WNK3: variants seen among roughly 807,000 people sequenced by gnomAD.
The protein encoded by WNK3 is WNK lysine deficient protein kinase 3.
A neutral mutation model predicts 116.7 loss-of-function variants in WNK3; 18 were observed. The ratio of observed to expected loss-of-function variants is 0.15; its 90% CI spans 0.11 to 0.23. The LOEUF is 0.23. Among genes scored for constraint, WNK3 ranks in the 10% least tolerant of loss-of-function variants. The pLI, the probability that WNK3 is intolerant of heterozygous loss-of-function variation, is 1.00. For missense variants in WNK3, 993 were observed against 1,323.8 expected (o/e 0.75, Z 3.88); for synonymous variants, 404 against 469.4 (o/e 0.86, Z 1.80).
At chrX:54,302,094 A>G (rs782209204) in intron 5 of WNK3, among the ~76,000 whole-genome samples, 1 of 111,201 alleles carries the variant, frequency 9.0e-6, no homozygotes, top group East Asian at 2.8e-4. Context: ...ACAGAGGCAA[A>G]GTTACACATA....
intron 11 of WNK3, among the ~76,000 whole-genome samples, chrX:54,258,695 T>C (rs2068223445): frequency 2.0e-5 from 2 of 98,588 alleles, no homozygotes; most frequent in South Asian, 8.3e-4. Flanking sequence ...ACAAATAATC[T>C]TGAGGCAAAT....
At chrX:54,232,428 C>T (rs1446681786) in intron 21 of WNK3, among the ~76,000 whole-genome samples, 1 of 111,572 alleles carries the variant, frequency 9.0e-6, no homozygotes, top group Non-Finnish European at 1.9e-5. Context: ...AGGCGTGAGC[C>T]ACTGCGCCTG....
At chrX:54,307,926 G>A in exon 5 of WNK3, 1 of 1,184,941 alleles carries the variant, frequency 8.4e-7, no homozygotes, top group Non-Finnish European at 1.1e-6. Flanking sequence ...ACCTACACTA[G>A]TTACTTTCCG....
intron 2 of WNK3, among the ~76,000 whole-genome samples, chrX:54,313,989 C>T (rs958134373): frequency 5.5e-5 from 6 of 108,500 alleles, no homozygotes; most frequent in African/African-American, 1.3e-4. Flanking sequence ...GTCAGGAGCT[C>T]GAGACCAGCC....
At chrX:54,291,238 G>T (rs1379756530) in intron 10 of WNK3, among the ~76,000 whole-genome samples, 1 of 110,532 alleles carries the variant, frequency 9.0e-6, no homozygotes, top group Non-Finnish European at 1.9e-5. Flanking sequence ...GTTTGAACCC[G>T]GGAGGCGGAG....
intron 21 of WNK3, among the ~76,000 whole-genome samples, chrX:54,231,426 C>G (rs782636555): frequency 1.8e-5 from 2 of 112,025 alleles, no homozygotes; most frequent in South Asian, 7.5e-4. Flanking sequence ...GGCCTAAAAT[C>G]AAGGTGTTGC....
At chrX:54,297,952 A>G (rs1405617414) in intron 7 of WNK3, among the ~76,000 whole-genome samples, 2 of 110,318 alleles carry the variant, frequency 1.8e-5, no homozygotes, top group Non-Finnish European at 3.8e-5. Flanking sequence ...GGGCTCCTGT[A>G]GTCCCAGCTA....
At chrX:54,290,885 G>C (rs2068630235) in intron 10 of WNK3, among the ~76,000 whole-genome samples, 1 of 111,241 alleles carries the variant, frequency 9.0e-6, no homozygotes, top group Admixed American at 9.6e-5. Context: ...TGCTTATGTG[G>C]CTTCTATATA....
intron 5 of WNK3, among the ~76,000 whole-genome samples, chrX:54,302,757 A>ATATATTTT (rs1557167848): frequency 2.3e-5 from 1 of 43,367 alleles, no homozygotes. Context: ...ATATATATAT[A>ATATATTTT]TTTTTTTTTT....
intron 1 of WNK3, among the ~76,000 whole-genome samples, chrX:54,345,259 CA>C (rs2069400420): frequency 2.9e-5 from 3 of 101,782 alleles, no homozygotes; most frequent in Non-Finnish European, 6.0e-5. Flanking sequence ...ACAACAACAA[CA>C]ACAACAACAA....
exon 17 of WNK3, chrX:54,248,892 G>C (rs2068099427): frequency 8.3e-7 from 1 of 1,211,356 alleles, no homozygotes; most frequent in Non-Finnish European, 1.1e-6. Flanking sequence ...GACAGGAGAG[G>C]GTATCTTCAG....
At chrX:54,312,115 G>A (rs1466996081) in intron 2 of WNK3, among the ~76,000 whole-genome samples, 5 of 110,491 alleles carry the variant, frequency 4.5e-5, no homozygotes, top group African/African-American at 1.3e-4. Context: ...AGCCCAGTTC[G>A]AGACCAGCAT....
At chrX:54,294,690 G>A in exon 8 of WNK3, 1 of 1,210,581 alleles carries the variant, frequency 8.3e-7, no homozygotes, top group Non-Finnish European at 1.1e-6. Flanking sequence ...CTGGGGCTGA[G>A]GGAATACATT....
chrX:54,281,085 T>C (rs73210495), intron 10 of WNK3, among the ~76,000 whole-genome samples: 2,938 of 112,098 alleles, frequency 0.026, 29 homozygotes, highest in Non-Finnish European at 0.037. Flanking sequence ...TGATTTGCTA[T>C]ACATATACAC....
exon 17 of WNK3, chrX:54,248,832 A>G (rs1557153261): frequency 1.7e-6 from 2 of 1,211,678 alleles, no homozygotes; most frequent in Non-Finnish European, 2.2e-6. Flanking sequence ...GGGATTGTAC[A>G]GGGCTATCTT....
chrX:54,204,788 T>C (rs1458888155), intron 22 of WNK3, among the ~76,000 whole-genome samples: 1 of 112,410 alleles, frequency 8.9e-6, no homozygotes, highest in Non-Finnish European at 1.9e-5. Flanking sequence ...AAAGAGAAGA[T>C]AGCCAGAAAC....
At chrX:54,337,321 G>A (rs191055885) in intron 1 of WNK3, among the ~76,000 whole-genome samples, 2 of 110,621 alleles carry the variant, frequency 1.8e-5, no homozygotes, top group Admixed American at 2.0e-4. Flanking sequence ...CAGCACTTTG[G>A]GAGGCCAAGG....
chrX:54,224,304 A>G (rs1244278231), intron 22 of WNK3, among the ~76,000 whole-genome samples: 1 of 107,459 alleles, frequency 9.3e-6, no homozygotes, highest in Non-Finnish European at 1.9e-5. Context: ...GTGAGCTGAT[A>G]TCACGTCATT....
chrX:54,204,182 C>T (rs1193274806), intron 22 of WNK3, among the ~76,000 whole-genome samples: 2 of 110,897 alleles, frequency 1.8e-5, no homozygotes, highest in East Asian at 2.8e-4. Flanking sequence ...TGCAGTGGCG[C>T]GATCTTGGCT....
Sources: gnomAD v4.1 joint callset for allele counts (sites outside exome capture counted in the v4.1 genomes callset) on GRCh38, gnomAD v4.1.1 for gene constraint, MANE v1.5 for transcripts, NCBI Gene and HGNC (gene_info 2026-07-23, HGNC 2026-07-21) for gene names.